Variants in CRISPLD2 observed in about 807,000 individuals in gnomAD.
CRISPLD2 encodes cysteine-rich secretory protein LCCL domain-containing 2.
A neutral mutation model predicts 71.1 loss-of-function variants in CRISPLD2; 47 were observed. The observed-to-expected ratio is 0.66, with a 90% CI of 0.52 to 0.84. CRISPLD2 has a LOEUF of 0.84. CRISPLD2 is among the 40% of genes least tolerant of loss of function. The probability of loss-of-function intolerance (pLI) is 0.00; values close to 1 mark genes in which losing one functional copy is unlikely to be tolerated. For synonymous variants in CRISPLD2, 317 were observed against 250.1 expected (o/e 1.27, Z -2.52); for missense variants, 830 against 651.1 (o/e 1.27, Z -2.99).
rs28481821 is a variant in CRISPLD2 at position 84,854,141 on chromosome 16, C to T, written c.609-588C>T. On this transcript the variant is annotated intron_variant, in intron 5 of 14. Transcript: ENST00000262424. ...ACAGCCTGTGTTCAAATCCCAGCCC[C>T]GCCACTTGCTTGTCCTGTGACCTGG... Among the ~76,000 whole-genome samples the T allele has an allele frequency of 5.7e-3, 863 of 152,328 alleles. 8 individuals carry two copies. Among genetic ancestry groups the T allele is most frequent in the African/African-American group, 0.019 (798 of 41,562 alleles).
At chr16:84,885,016 G>C (rs1232479540) in intron 13 of CRISPLD2, among the ~76,000 whole-genome samples, 1 of 152,244 alleles carries the variant, frequency 6.6e-6, no homozygotes, top group Non-Finnish European at 1.5e-5. Context: ...GCAATGCTGA[G>C]AGAGACAGAA....
Position 84,850,573 on chromosome 16 carries a change from T to G in CRISPLD2, c.498T>G (p.Val166=), listed in dbSNP as rs745715018. 13 of 1,613,896 alleles carry G rather than the reference T, an allele frequency of 8.1e-6. No homozygotes were observed. Among genetic ancestry groups the G allele is most frequent in the Non-Finnish European group, 1.1e-5 (13 of 1,179,886 alleles). ...GPMCTHYTQI[V]WATTNKIGCA... The stretch of plus-strand genomic sequence containing the variant: ...CACAAATGTCATCTTTTCAGATAGT[T>G]TGGGCCACCACCAACAAGATCGGTT... Residue 166 remains valine (V), a synonymous_variant, in exon 5 of 15, where the codon GTT becomes GTG. Coordinates refer to ENST00000262424, the MANE Select transcript of CRISPLD2 (RefSeq NM_031476.4).
At chr16:84,839,743 A>G (rs568503749) in intron 2 of CRISPLD2, 1 of 152,268 alleles carries the variant, frequency 6.6e-6, no homozygotes, top group East Asian at 1.9e-4. Flanking sequence ...GGGAGCCTCC[A>G]CCTTGGCCAT....
intron 8 of CRISPLD2, 128 bp downstream of exon 8, chr16:84,869,039 G>A (rs2071440604): frequency 2.6e-6 from 2 of 778,458 alleles, no homozygotes; most frequent in Non-Finnish European, 4.1e-6. Flanking sequence ...GCTCTCAGCA[G>A]GCAGAACAGG....
In CRISPLD2 at chr16:84,866,993, T is replaced by C. The variant is rs1412705495; in HGVS notation, c.806T>C (p.Val269Ala). 9 of 1,613,558 alleles carry C rather than the reference T, an allele frequency of 5.6e-6. No individual in the cohort carries two copies. The Admixed American group carries it at 1.3e-4, about 24-fold the overall frequency. ...AACCATGTTTGGCTCCAACCGAGGG[T>C]GATGAGACCCACCAAGCCCAAGAAA... is the stretch of plus-strand genomic sequence containing the variant. ...EENHVWLQPR[V>A]MRPTKPKKTS... The change falls in exon 7 of 15, where the codon GTG becomes GCG. Residue 269 changes from valine to alanine, a missense_variant. By Grantham distance (64) the Val-to-Ala change is moderately conservative (BLOSUM62 0). Coordinates refer to ENST00000262424, the MANE Select transcript of CRISPLD2 (RefSeq NM_031476.4).
chr16:84,867,080 C>T, intron 7 of CRISPLD2, 40 bp downstream of exon 7: 1 of 1,600,536 alleles, frequency 6.2e-7, no homozygotes, highest in Non-Finnish European at 8.6e-7. Context: ...GCCCTCCCAG[C>T]CACCTCCAAA....
intron 1 of CRISPLD2, among the ~76,000 whole-genome samples, chr16:84,834,095 G>A (rs1225166360): frequency 6.6e-6 from 1 of 152,192 alleles, no homozygotes; most frequent in Non-Finnish European, 1.5e-5. Context: ...TGCTCGCCCT[G>A]GGCAGGTTCC....
chr16:84,854,107 C>G (rs1171878128), intron 5 of CRISPLD2, among the ~76,000 whole-genome samples: 2 of 152,180 alleles, frequency 1.3e-5, no homozygotes, highest in African/African-American at 2.4e-5. Flanking sequence ...GCCTAAGGCT[C>G]TGAGCCGGAC....
chr16:84,901,170 C>A (rs147067959), intron 14 of CRISPLD2, among the ~76,000 whole-genome samples: 1 of 151,938 alleles, frequency 6.6e-6, no homozygotes, highest in East Asian at 1.9e-4. Flanking sequence ...TATAGTAAAG[C>A]AACAAATCCC....
At chr16:84,864,209 G>A (rs1262698625) in intron 6 of CRISPLD2, among the ~76,000 whole-genome samples, 1 of 152,108 alleles carries the variant, frequency 6.6e-6, no homozygotes, top group Non-Finnish European at 1.5e-5. Flanking sequence ...AATTTCCCCA[G>A]GCCCGTGCTG....
At chr16:84,821,225 C>T (rs959897272) in intron 1 of CRISPLD2, among the ~76,000 whole-genome samples, 3 of 152,182 alleles carry the variant, frequency 2.0e-5, no homozygotes, top group Admixed American at 2.0e-4. Flanking sequence ...GCCTGCAGAA[C>T]AGGACCGGGG....
chr16:84,860,833 T>C (rs1481274990), intron 6 of CRISPLD2, among the ~76,000 whole-genome samples: 1 of 152,204 alleles, frequency 6.6e-6, no homozygotes, highest in Non-Finnish European at 1.5e-5. Flanking sequence ...TGTCTGTTTT[T>C]CCACAATTTC....
At chr16:84,833,064 T>A (rs1916526035) in intron 1 of CRISPLD2, among the ~76,000 whole-genome samples, 1 of 152,230 alleles carries the variant, frequency 6.6e-6, no homozygotes, top group African/African-American at 2.4e-5. Flanking sequence ...TTGGTTTCAC[T>A]TTAAACTAGC....
rs554895477 is a variant in CRISPLD2 at position 84,863,898 on chromosome 16, A to G, written c.710-2999A>G. Among the ~76,000 whole-genome samples the G allele has an allele frequency of 2.3e-3, 340 of 146,770 alleles. 2 individuals carry two copies. Among genetic ancestry groups the G allele is most frequent in the African/African-American group, 8.4e-3 (330 of 39,370 alleles). On this transcript the variant is annotated intron_variant, in intron 6 of 14. Coordinates refer to ENST00000262424, the MANE Select transcript of CRISPLD2 (RefSeq NM_031476.4). The stretch of plus-strand genomic sequence containing the variant: ...CTTGAACCCGGGCGGCGGAGGTTGC[A>G]GTGAGCCGAGATCACACCATTGCAC...
intron 8 of CRISPLD2, among the ~76,000 whole-genome samples, chr16:84,870,125 G>C (rs551283719): frequency 5.9e-5 from 9 of 152,112 alleles, no homozygotes; most frequent in Non-Finnish European, 1.0e-4. Context: ...AAAAATAGTA[G>C]TCAGTGGGTT....
Position 84,849,455 on chromosome 16 carries a change from A to G in CRISPLD2, c.430A>G (p.Ser144Gly). 1.2e-6 allele frequency: 2 copies of G among 1,614,138 alleles called. No homozygotes were observed. The highest frequency in any genetic ancestry group is 1.7e-6 in the Non-Finnish European group (2 of 1,179,990). ...EVKDYTYPYP[S>G]ECNPWCPERC... ...GAAGGACTACACCTACCCCTACCCG[A>G]GCGAGTGCAACCCCTGGTGTCCAGA... The change falls in exon 4 of 15, where the codon AGC (serine) becomes GGC (glycine). Residue 144 changes from serine to glycine, a missense_variant. Transcript: ENST00000262424.
At chr16:84,902,544 A>G (rs929222027) in intron 14 of CRISPLD2, among the ~76,000 whole-genome samples, 1 of 150,514 alleles carries the variant, frequency 6.6e-6, no homozygotes, top group Non-Finnish European at 1.5e-5. Flanking sequence ...CAGGAGGTGG[A>G]GGTTGCAGTG....
chr16:84,854,927 A>C (rs1300918172), intron 6 of CRISPLD2, 98 bp downstream of exon 6: 12 of 924,754 alleles, frequency 1.3e-5, no homozygotes, highest in Admixed American at 3.6e-5. Context: ...GAAGTCAGTC[A>C]CCCCTCCTGG....
intron 14 of CRISPLD2, among the ~76,000 whole-genome samples, chr16:84,901,283 A>G (rs2071751682): frequency 6.6e-6 from 1 of 152,162 alleles, no homozygotes; most frequent in Non-Finnish European, 1.5e-5. Context: ...AAAAAATATA[A>G]TAATTGTTAA....
Sources: gnomAD v4.1 joint callset for allele counts (sites outside exome capture counted in the v4.1 genomes callset) on GRCh38, gnomAD v4.1.1 for gene constraint, MANE v1.5 for transcripts, NCBI Gene and HGNC (gene_info 2026-07-23, HGNC 2026-07-21) for gene names.